The following CNTRL variants were observed in gnomAD, a reference collection of about 807,000 sequenced individuals.
CNTRL encodes the protein centriolin.
CNTRL carries 233 observed loss-of-function variants against 303.7 expected under a neutral mutation model. The observed-to-expected ratio is 0.77, with a 90% confidence interval of 0.69 to 0.86. The LOEUF (loss-of-function observed/expected upper bound fraction) is 0.86, where lower values mean the gene tolerates loss of function less well. CNTRL is among the 40% of genes least tolerant of loss of function. CNTRL has a pLI of 0.00. For missense variants in CNTRL, 2,524 were observed against 2,650.6 expected, an observed-to-expected ratio of 0.95 and a Z score of 1.05; for synonymous variants, 900 against 922.2, an observed-to-expected ratio of 0.98 and a Z score of 0.44.
At chr9:121,167,177 G>A (rs2131840575) in intron 36 of CNTRL, among the ~76,000 whole-genome samples, 1 of 152,226 alleles carries the variant, frequency 6.6e-6, no homozygotes. Flanking sequence ...TGGGTATGGT[G>A]GCATGTGCCT....
intron 2 of CNTRL, among the ~76,000 whole-genome samples, chr9:121,084,635 C>T (rs1269545644): frequency 6.6e-6 from 1 of 151,882 alleles, no homozygotes; most frequent in Non-Finnish European, 1.5e-5. Flanking sequence ...AGCTCCGCCT[C>T]CCAGGTTCAA....
At chr9:121,124,649 A>T (rs528595819) in intron 13 of CNTRL, among the ~76,000 whole-genome samples, 1 of 151,876 alleles carries the variant, frequency 6.6e-6, no homozygotes, top group East Asian at 1.9e-4. Flanking sequence ...ATGAGCTAGT[A>T]TTCATAGGCC....
chr9:121,087,162 T>A (rs1269296313), intron 2 of CNTRL, among the ~76,000 whole-genome samples: 5 of 152,130 alleles, frequency 3.3e-5, no homozygotes, highest in African/African-American at 1.2e-4. Flanking sequence ...GATTTAGCGA[T>A]TGACTGAGTA....
chr9:121,145,414 G>T lies in CNTRL; in HGVS notation c.3310+29G>T, dbSNP rs1232487545. On this transcript the variant is annotated intron_variant, in intron 22 of 43. Transcript: ENST00000373855. ...AAGTATTGGGCTTTGATTTTTGGCA[G>T]TGGTTTTGTAGTCATAAAATTAAAT... The T allele has an allele frequency of 4.4e-6, 7 of 1,576,676 alleles. No individual in the cohort carries two copies. The Admixed American group carries it at 5.9e-5, about 13-fold the overall frequency.
In CNTRL at chr9:121,148,830, G is replaced by A. The variant is rs1425404172; in HGVS notation, c.3618G>A (p.Arg1206=). The A allele has an allele frequency of 1.2e-6, 2 of 1,613,552 alleles. No homozygotes were observed. The change falls in exon 24 of 44, where the codon AGG becomes AGA. Residue 1206 remains arginine (R), a synonymous_variant. Transcript: ENST00000373855. Reference sequence around the variant, plus strand: ...GATACTGGGTTTATTCTCCCATCAGGAGTGGGTTACATAAACTGTTTCCAA... The same window carrying A: ...GATACTGGGTTTATTCTCCCATCAGAAGTGGGTTACATAAACTGTTTCCAA... ...ASGYWVYSPI[R]SGLHKLFPSR... is the part of the protein sequence containing the mutation.
chr9:121,134,395 A>G (rs1174519477), intron 14 of CNTRL, among the ~76,000 whole-genome samples: 1 of 150,978 alleles, frequency 6.6e-6, no homozygotes, highest in Non-Finnish European at 1.5e-5. Flanking sequence ...GGTTCAAGTG[A>G]TTCCGCTGCC....
intron 6 of CNTRL, among the ~76,000 whole-genome samples, chr9:121,097,409 G>A (rs1414119151): frequency 6.6e-6 from 1 of 151,934 alleles, no homozygotes; most frequent in Non-Finnish European, 1.5e-5. Flanking sequence ...GTATTATGGG[G>A]GCTCAGATGA....
chr9:121,116,983 T>C (rs918062403), intron 11 of CNTRL, among the ~76,000 whole-genome samples: 7 of 152,210 alleles, frequency 4.6e-5, no homozygotes, highest in Admixed American at 4.6e-4. Flanking sequence ...TTACATAGAT[T>C]GATAGATGTA....
intron 42 of CNTRL, 152 bp from the exon 43 acceptor site, chr9:121,174,866 G>T (rs1484055778): frequency 1.4e-6 from 1 of 700,456 alleles, no homozygotes; most frequent in Non-Finnish European, 2.5e-6. Context: ...TATCCACCTG[G>T]CACCTCCTAC....
At chr9:121,152,728 C>A (rs775410793) in intron 26 of CNTRL, 35 bp downstream of exon 26, 1 of 1,446,658 alleles carries the variant, frequency 6.9e-7, no homozygotes, top group Non-Finnish European at 9.6e-7. Context: ...CAGACAAATA[C>A]GATATTAGTT....
intron 1 of CNTRL, among the ~76,000 whole-genome samples, chr9:121,077,241 TTC>T (rs1296134385): frequency 2.0e-5 from 3 of 152,084 alleles, no homozygotes; most frequent in Non-Finnish European, 2.9e-5. Flanking sequence ...TGCTTTTTTT[TTC>T]TCTTTATCCT....
At chr9:121,162,674 G>A (rs2052908825) in intron 34 of CNTRL, among the ~76,000 whole-genome samples, 1 of 152,084 alleles carries the variant, frequency 6.6e-6, no homozygotes, top group African/African-American at 2.4e-5. Flanking sequence ...TATGAACCTA[G>A]AATCGAATTA....
At chr9:121,131,714 T>C (rs139096451) in intron 14 of CNTRL, among the ~76,000 whole-genome samples, 1 of 152,240 alleles carries the variant, frequency 6.6e-6, no homozygotes, top group Admixed American at 6.5e-5. Flanking sequence ...GTTGATGCAG[T>C]TTCTTCCTGG....
chr9:121,083,524 T>C (rs1163962774), intron 2 of CNTRL, among the ~76,000 whole-genome samples: 1 of 152,204 alleles, frequency 6.6e-6, no homozygotes, highest in Non-Finnish European at 1.5e-5. Context: ...TGCATGGAGC[T>C]GTCATTTCTT....
chr9:121,135,199 G>T (rs971084253), intron 14 of CNTRL, among the ~76,000 whole-genome samples: 1 of 152,080 alleles, frequency 6.6e-6, no homozygotes, highest in African/African-American at 2.4e-5. Flanking sequence ...CTCATTTAAG[G>T]TACTCTTATC....
intron 38 of CNTRL, among the ~76,000 whole-genome samples, chr9:121,169,156 T>G (rs1460722040): frequency 6.6e-6 from 1 of 152,236 alleles, no homozygotes; most frequent in African/African-American, 2.4e-5. Flanking sequence ...GGAAATGTTT[T>G]CCTCTTCTAT....
At chr9:121,092,476 CTA>C (rs1376291162) in intron 4 of CNTRL, among the ~76,000 whole-genome samples, 2 of 79,960 alleles carry the variant, frequency 2.5e-5, no homozygotes, top group African/African-American at 9.8e-5. Flanking sequence ...TAATATATAT[CTA>C]TATATATAAT....
At position 121,142,229 on chromosome 9, in the gene CNTRL, A is replaced by G. The variant is rs1288910297; in HGVS notation, c.2830A>G (p.Lys944Glu). Residue 944 changes from lysine (K) to glutamate (E), a missense_variant, in exon 19 of 44, where the codon AAG becomes GAG. Physicochemically the swap from Lys to Glu is moderately conservative, Grantham distance 56. Transcript: ENST00000373855. Reference sequence around the variant, plus strand: ...CCAACTTCAGGAAGCTGATGAAGAGAAGGAGAGAATTCTGGCCCAACTCCG... The same window carrying G: ...CCAACTTCAGGAAGCTGATGAAGAGGAGGAGAGAATTCTGGCCCAACTCCG... ...DLQLQEADEE[K>E]ERILAQLREL... is the part of the protein sequence containing the mutation. The G allele has an allele frequency of 1.2e-6, 2 of 1,610,432 alleles. No individual in the cohort carries two copies. Among genetic ancestry groups the G allele is most frequent in the Non-Finnish European group, 1.7e-6 (2 of 1,179,046 alleles).
rs747747303 is a variant in CNTRL, at chr9:121,169,715, C to T, written c.6175C>T (p.Arg2059Trp). ...TATGAGGGCAGACTTCAGCCTTCTG[C>T]GGAACCAGTTCTTGACAGAAAGAAA... ...DSMRADFSLL[R>W]NQFLTERKKA... is the part of the protein sequence containing the mutation. The change falls in exon 39 of 44, where the codon CGG becomes TGG. Residue 2059 changes from arginine to tryptophan, a missense_variant. Coordinates refer to ENST00000373855, the MANE Select transcript of CNTRL (RefSeq NM_007018.6). The T allele has an allele frequency of 4.2e-5, 67 of 1,614,032 alleles. No homozygotes were observed. Among genetic ancestry groups the T allele is most frequent in the Non-Finnish European group, 4.8e-5 (57 of 1,180,018 alleles).
Sources: gnomAD v4.1 joint callset for allele counts (sites outside exome capture counted in the v4.1 genomes callset) on GRCh38, gnomAD v4.1.1 for gene constraint, MANE v1.5 for transcripts, NCBI Gene and HGNC (gene_info 2026-07-23, HGNC 2026-07-21) for gene names.